Variants in NFATC1 observed in about 807,000 individuals in gnomAD.
NFATC1 encodes the protein nuclear factor of activated T-cells, cytoplasmic 1.
A neutral mutation model predicts 76.0 loss-of-function variants in NFATC1; 22 were observed. That is an observed-to-expected ratio of 0.29 (90% confidence interval 0.21 to 0.41). The LOEUF is 0.41. Ranked by LOEUF, NFATC1 falls within the 10% of genes least tolerant of loss-of-function variation. NFATC1 has a pLI of 1.00. For synonymous variants in NFATC1, 704 were observed against 613.1 expected, an observed-to-expected ratio of 1.15 and a Z score of -2.19; for missense variants, 1,357 against 1,337.7, an observed-to-expected ratio of 1.01 and a Z score of -0.23.
chr18:79,488,890 G>A lies in NFATC1; in HGVS notation c.2782+1953G>A, dbSNP rs547651728. Among the ~76,000 whole-genome samples, 30 of 152,296 alleles carry A rather than the reference G, an allele frequency of 2.0e-4. No individual in the cohort carries two copies. In the East Asian group the frequency reaches 4.4e-3, roughly 23 times the overall value. On this transcript the variant is annotated intron_variant, in intron 9 of 9. Coordinates refer to ENST00000427363, the MANE Select transcript of NFATC1 (RefSeq NM_001278669.2). ...CAGGCCCAGGTGGGAAGCAGGTCCC[G>A]GTCATGTTTCTGCTGCCCTGTGGCC...
intron 9 of NFATC1, among the ~76,000 whole-genome samples, chr18:79,512,359 TTAGAC>T (rs1189804152): frequency 6.6e-6 from 1 of 152,148 alleles, no homozygotes; most frequent in Admixed American, 6.5e-5. Context: ...CACGTGGAGT[TTAGAC>T]TAAGGCTTAG....
intron 1 of NFATC1, among the ~76,000 whole-genome samples, chr18:79,397,155 C>G (rs1371649721): frequency 6.6e-6 from 1 of 152,202 alleles, no homozygotes; most frequent in Non-Finnish European, 1.5e-5. Flanking sequence ...GGCACACACC[C>G]CTGGCGATGC....
At position 79,487,727 on chromosome 18, in the gene NFATC1, C is replaced by T. The variant is rs73969682; in HGVS notation, c.2782+790C>T. 7.6e-3 allele frequency among the ~76,000 whole-genome samples: 1,162 copies of T among 152,300 alleles called. 15 individuals carry two copies. Among genetic ancestry groups the T allele is most frequent in the African/African-American group, 0.025 (1,059 of 41,560 alleles). ...GCGCAGCCCGACTTGCTTGCAGTCG[C>T]GCTGTGATCGGGGCGTGCCCGTGGC... On this transcript the variant is annotated intron_variant, in intron 9 of 9. Coordinates refer to ENST00000427363, the MANE Select transcript of NFATC1 (RefSeq NM_001278669.2).
chr18:79,425,013 C>CTG (rs1568944136), intron 2 of NFATC1, among the ~76,000 whole-genome samples: 7 of 150,198 alleles, frequency 4.7e-5, no homozygotes, highest in Admixed American at 1.3e-4. Flanking sequence ...GTCTGTCTCT[C>CTG]TCTCTGTCTC....
chr18:79,466,643 C>T (rs1401658004), intron 7 of NFATC1, among the ~76,000 whole-genome samples: 6 of 152,340 alleles, frequency 3.9e-5, no homozygotes, highest in East Asian at 1.9e-4. Flanking sequence ...AGCCTCCACA[C>T]GCCGCCCTCT....
intron 9 of NFATC1, among the ~76,000 whole-genome samples, chr18:79,511,589 TGTGGAGGG>T (rs1488558049): frequency 7.2e-5 from 11 of 152,014 alleles, no homozygotes; most frequent in African/African-American, 2.7e-4. Flanking sequence ...TAGCCTGAGC[TGTGGAGGG>T]GTGGAGGGCA....
At chr18:79,504,631 AACGTGGTGCCC>A (rs1433878540) in intron 9 of NFATC1, among the ~76,000 whole-genome samples, 17 of 152,270 alleles carry the variant, frequency 1.1e-4, no homozygotes, top group Non-Finnish European at 2.2e-4. Context: ...TGCTGTTGGA[AACGTGGTGCCC>A]ACAGACATGC....
chr18:79,508,099 G>A (rs1382758309), intron 9 of NFATC1, among the ~76,000 whole-genome samples: 2 of 152,264 alleles, frequency 1.3e-5, no homozygotes, highest in East Asian at 1.9e-4. Flanking sequence ...GAATGGAACT[G>A]AACAGCTCAG....
chr18:79,453,087 G>C (rs934093293), intron 6 of NFATC1, among the ~76,000 whole-genome samples: 1 of 152,206 alleles, frequency 6.6e-6, no homozygotes. Context: ...GACCGGGAAG[G>C]CATTTGCATT....
At chr18:79,474,125 A>G (rs1310845518) in intron 8 of NFATC1, among the ~76,000 whole-genome samples, 16 of 129,336 alleles carry the variant, frequency 1.2e-4, no homozygotes, top group South Asian at 7.5e-4. Context: ...GCGTGTTCTC[A>G]CGCTCGCTGT....
intron 8 of NFATC1, among the ~76,000 whole-genome samples, chr18:79,472,749 T>C (rs568154216): frequency 4.1e-4 from 63 of 152,198 alleles, no homozygotes; most frequent in African/African-American, 1.3e-3. Context: ...GCTCCCGCCT[T>C]CCCTCATCTG....
chr18:79,445,652 G>A (rs900617089), intron 3 of NFATC1, among the ~76,000 whole-genome samples: 21 of 152,222 alleles, frequency 1.4e-4, no homozygotes, highest in Admixed American at 1.4e-3. Flanking sequence ...GTACTTCCTT[G>A]GGGCAATTTG....
intron 2 of NFATC1, among the ~76,000 whole-genome samples, chr18:79,416,273 A>G (rs1477106893): frequency 1.3e-5 from 2 of 152,254 alleles, no homozygotes; most frequent in Non-Finnish European, 2.9e-5. Context: ...CAGCACAGTA[A>G]CAGGTGGACT....
At chr18:79,515,743 G>A (rs1182155221) in intron 9 of NFATC1, 2 of 152,028 alleles carry the variant, frequency 1.3e-5, no homozygotes, top group Admixed American at 6.6e-5. Flanking sequence ...GGGACCTACC[G>A]AGACCCAACC....
intron 9 of NFATC1, among the ~76,000 whole-genome samples, 195 bp downstream of exon 9, chr18:79,487,132 G>A (rs778076315): frequency 5.3e-4 from 81 of 152,258 alleles, no homozygotes; most frequent in Non-Finnish European, 9.6e-4. Context: ...GGCGCTCGCC[G>A]TGAGATCTGC....
At chr18:79,497,021 TAG>T (rs1336403976) in intron 9 of NFATC1, 1 of 152,202 alleles carries the variant, frequency 6.6e-6, no homozygotes, top group African/African-American at 2.4e-5. Context: ...TTCTTCCCAC[TAG>T]AGAGATGTGA....
At position 79,469,344 on chromosome 18, in the gene NFATC1, G is replaced by C. The variant is rs943924306; in HGVS notation, c.2092+1762G>C. ...TCAGCATGCGGCAGTCCCCACCGTG[G>C]GTTTGAGCAGCACTGACTTTAGCAC... On this transcript the variant is annotated intron_variant, in intron 8 of 9. Transcript: ENST00000427363. 5.1e-6 allele frequency: 5 copies of C among 985,344 alleles called. No individual in the cohort carries two copies. The African/African-American group carries it at 8.7e-5, about 17-fold the overall frequency. 61.0% of individuals were successfully genotyped at this position (985,344 alleles called of 1,614,324 possible). A position where few individuals can be genotyped will look rare whatever the true frequency, so the allele number is the denominator to read the frequency against.
At position 79,503,118 on chromosome 18, in the gene NFATC1, A is replaced by G. The variant is rs140541073; in HGVS notation, c.2782+16181A>G. Among the ~76,000 whole-genome samples the G allele has an allele frequency of 7.4e-4, 113 of 152,342 alleles. 2 individuals carry two copies. The highest frequency in any genetic ancestry group is 7.0e-3 in the Admixed American group (107 of 15,308). ...GAAAGGTGGGGTTTATCCTCACCCGAGTGTTATCCATCCCCAAAAGGAATG... is the reference window on the plus strand; with the variant it reads ...GAAAGGTGGGGTTTATCCTCACCCGGGTGTTATCCATCCCCAAAAGGAATG... On this transcript the variant is annotated intron_variant, in intron 9 of 9. Transcript: ENST00000427363.
At chr18:79,419,052 T>C (rs1375208061) in intron 2 of NFATC1, among the ~76,000 whole-genome samples, 1 of 152,000 alleles carries the variant, frequency 6.6e-6, no homozygotes, top group African/African-American at 2.4e-5. Flanking sequence ...TGAGCCAGGG[T>C]CTTGCTCTGT....
Sources: allele counts gnomAD v4.1 joint callset (sites outside exome capture counted in the v4.1 genomes callset), GRCh38; gene constraint gnomAD v4.1.1; transcripts MANE v1.5; gene names NCBI Gene and HGNC (gene_info 2026-07-23, HGNC 2026-07-21).